TTC39C: variants seen among roughly 807,000 people sequenced by gnomAD.
TTC39C encodes the protein tetratricopeptide repeat domain 39C.
A neutral mutation model predicts 76.3 loss-of-function variants in TTC39C; 33 were observed. The observed-to-expected ratio is 0.43, with a 90% confidence interval of 0.33 to 0.58. The LOEUF is 0.58. TTC39C is among the 20% of genes least tolerant of loss of function. TTC39C has a pLI of 0.04. For synonymous variants in TTC39C, 254 were observed against 260.6 expected (o/e 0.97, Z 0.24); for missense variants, 595 against 701.4 (o/e 0.85, Z 1.71).
chr18:24,110,895 C>A (rs2084800333), intron 6 of TTC39C, among the ~76,000 whole-genome samples: 1 of 152,108 alleles, frequency 6.6e-6, no homozygotes, highest in South Asian at 2.1e-4. Context: ...CACAGTGTGT[C>A]CAGGTATAGT....
intron 6 of TTC39C, among the ~76,000 whole-genome samples, chr18:24,094,456 G>C (rs753044524): frequency 2.0e-5 from 3 of 152,146 alleles, no homozygotes; most frequent in Non-Finnish European, 4.4e-5. Context: ...CTTTCCAGAG[G>C]GTTTTCAATT....
chr18:24,110,910 G>A (rs2084800506), intron 6 of TTC39C, among the ~76,000 whole-genome samples: 2 of 152,156 alleles, frequency 1.3e-5, no homozygotes, highest in African/African-American at 2.4e-5. Flanking sequence ...TATAGTTAAT[G>A]AGACAAAAGC....
intron 6 of TTC39C, chr18:24,114,268 G>A (rs1244005574): frequency 9.6e-6 from 3 of 313,512 alleles, no homozygotes; most frequent in Non-Finnish European, 1.8e-5. Flanking sequence ...AGGTGGGTGT[G>A]AGCTGAGCCC....
rs1374665075 is a variant in TTC39C at position 24,102,845 on chromosome 18, C to T, written c.985-11709C>T. Among the ~76,000 whole-genome samples, 9 of 152,300 alleles carry T rather than the reference C, an allele frequency of 5.9e-5. No homozygotes were observed. The East Asian group carries it at 7.7e-4, about 13-fold the overall frequency. On this transcript the variant is annotated intron_variant, in intron 6 of 13. Transcript: ENST00000317571. ...TTACCTAGGCCGGTGTGCTGGCTCA[C>T]GCCTGTACACTCCCACTTTGGGAGG...
intron 1 of TTC39C, among the ~76,000 whole-genome samples, chr18:24,016,203 AT>A (rs201609598): frequency 0.015 from 2,293 of 152,220 alleles, 32 homozygotes; most frequent in Non-Finnish European, 0.024. Flanking sequence ...TAAATCGGTG[AT>A]TTTTTCCCCC....
At chr18:24,019,889 C>T (rs1342141490) in intron 1 of TTC39C, 2 of 1,526,852 alleles carry the variant, frequency 1.3e-6, no homozygotes, top group Non-Finnish European at 1.7e-6. Flanking sequence ...GAGAAAACCT[C>T]AGCGCTTCCT....
At chr18:24,073,883 T>C (rs2084271658) in intron 4 of TTC39C, among the ~76,000 whole-genome samples, 1 of 152,236 alleles carries the variant, frequency 6.6e-6, no homozygotes, top group Admixed American at 6.5e-5. Context: ...AGGTATCACA[T>C]AGCAATACTC....
chr18:24,088,953 G>C (rs1041173725), intron 6 of TTC39C, among the ~76,000 whole-genome samples: 2 of 152,208 alleles, frequency 1.3e-5, no homozygotes, highest in Non-Finnish European at 2.9e-5. Flanking sequence ...CCTTTTAAAA[G>C]TGGGCTTTAG....
intron 1 of TTC39C, among the ~76,000 whole-genome samples, chr18:24,062,033 C>T (rs8093913): frequency 0.067 from 10,202 of 152,238 alleles, 687 homozygotes; most frequent in African/African-American, 0.17. Context: ...CACCCGGGTG[C>T]TGTGGGGGAT....
chr18:24,019,755 A>G (rs1034851275), intron 1 of TTC39C: 2 of 853,460 alleles, frequency 2.3e-6, no homozygotes, highest in East Asian at 6.0e-5. Context: ...TCATTTGGTT[A>G]TGTGTGGTCT....
In TTC39C at chr18:24,047,226, TG is replaced by T. The variant is rs373042931; in HGVS notation, c.168-16911del. ...CTCCTGCCTCAGCCTCCCAAGTAGC[TG>T]GGATTATAGGTGCCTGCCACCACAT... is the stretch of plus-strand genomic sequence containing the variant. On this transcript the variant is annotated intron_variant, in intron 1 of 13. Coordinates refer to ENST00000317571, the MANE Select transcript of TTC39C (RefSeq NM_001135993.2). Among the ~76,000 whole-genome samples the T allele has an allele frequency of 5.7e-4, 86 of 151,762 alleles. 1 individual carries two copies. The highest frequency in any genetic ancestry group is 2.0e-3 in the African/African-American group (82 of 41,114).
At chr18:24,105,310 A>G (rs1217556614) in intron 6 of TTC39C, among the ~76,000 whole-genome samples, 1 of 152,224 alleles carries the variant, frequency 6.6e-6, no homozygotes, top group Non-Finnish European at 1.5e-5. Context: ...TACTGAAAAC[A>G]TTCAGTGTGA....
At chr18:24,122,003 C>T (rs1485848162) in intron 8 of TTC39C, among the ~76,000 whole-genome samples, 1 of 152,160 alleles carries the variant, frequency 6.6e-6, no homozygotes, top group Non-Finnish European at 1.5e-5. Flanking sequence ...TTGTCCCTTC[C>T]TTTGAATATT....
At chr18:24,075,349 G>A (rs999329304) in intron 4 of TTC39C, among the ~76,000 whole-genome samples, 3 of 152,152 alleles carry the variant, frequency 2.0e-5, no homozygotes, top group African/African-American at 4.8e-5. Flanking sequence ...GAGGCAGTGG[G>A]CTGACTGGTG....
At chr18:23,994,921 A>G (rs9960748) in intron 1 of TTC39C, among the ~76,000 whole-genome samples, 2 of 152,052 alleles carry the variant, frequency 1.3e-5, no homozygotes, top group Non-Finnish European at 2.9e-5. Flanking sequence ...AAATAATAAT[A>G]ATTATAATCC....
intron 3 of TTC39C, among the ~76,000 whole-genome samples, chr18:24,068,408 T>A (rs926319461): frequency 1.3e-5 from 2 of 152,242 alleles, no homozygotes; most frequent in African/African-American, 4.8e-5. Context: ...ACTGTTGACA[T>A]ATTTGCAAAA....
chr18:24,098,439 T>TCC (rs2084621684), intron 6 of TTC39C, among the ~76,000 whole-genome samples: 1 of 64,110 alleles, frequency 1.6e-5, no homozygotes, highest in East Asian at 5.5e-4. Context: ...CTCCTTTCCT[T>TCC]TCTTTCCTTT....
In TTC39C at chr18:24,099,062, CATATAACATATATACATAT is replaced by C. The variant is rs1160231770; in HGVS notation, c.985-15467_985-15449del. ...ATATATATATCTATACACGTATATA[CATATAACATATATACATAT>C]ATATAACATATATACATATATATAT... On this transcript the variant is annotated intron_variant, in intron 6 of 13. Coordinates refer to ENST00000317571, the MANE Select transcript of TTC39C (RefSeq NM_001135993.2). Among the ~76,000 whole-genome samples, 6 of 112,288 alleles carry C rather than the reference CATATAACATATATACATAT, an allele frequency of 5.3e-5. No individual in the cohort carries two copies. The East Asian group carries it at 7.1e-4, about 13-fold the overall frequency. The allele number at this position is 112,288 out of a possible 152,430, so 73.7% of individuals were successfully genotyped here.
At chr18:24,047,708 C>T (rs1464642262) in intron 1 of TTC39C, among the ~76,000 whole-genome samples, 1 of 152,132 alleles carries the variant, frequency 6.6e-6, no homozygotes, top group Admixed American at 6.5e-5. Context: ...CTGACCTTTA[C>T]TTATATATAG....
Sources: gnomAD v4.1 joint callset for allele counts (sites outside exome capture counted in the v4.1 genomes callset) on GRCh38, gnomAD v4.1.1 for gene constraint, MANE v1.5 for transcripts, NCBI Gene and HGNC (gene_info 2026-07-23, HGNC 2026-07-21) for gene names.